The following GABRB2 variants were observed in gnomAD, a reference collection of about 807,000 sequenced individuals.
The protein encoded by GABRB2 is gamma-aminobutyric acid type A receptor subunit beta2.
GABRB2 carries 16 observed loss-of-function variants against 54.7 expected under a neutral mutation model. That is an observed-to-expected ratio of 0.29 (90% CI 0.20 to 0.44). The LOEUF (loss-of-function observed/expected upper bound fraction) is 0.44. Ranked by LOEUF, GABRB2 falls within the 20% of genes least tolerant of loss-of-function variation. GABRB2 has a pLI of 1.00. For synonymous variants in GABRB2, 244 were observed against 233.8 expected (o/e 1.04, Z -0.40); for missense variants, 355 against 644.0 (o/e 0.55, Z 4.86).
chr5:161,437,054 G>C (rs1401278038), intron 4 of GABRB2, among the ~76,000 whole-genome samples: 1 of 152,170 alleles, frequency 6.6e-6, no homozygotes, highest in Non-Finnish European at 1.5e-5. Flanking sequence ...TTGAAAGGCA[G>C]TCTAGGCCAT....
rs558162140 is a variant in GABRB2 at position 161,515,074 on chromosome 5, T to G, written c.237+30153A>C. ...TCAGTTAATGTCAACTGCTACTGAG[T>G]TCACTTGAATATGGCTTAGATAGGT... On this transcript the variant is annotated intron_variant, in intron 3 of 9. Transcript: ENST00000393959. 2.0e-5 allele frequency among the ~76,000 whole-genome samples: 3 copies of G among 152,084 alleles called. No individual in the cohort carries two copies. The South Asian group carries it at 6.2e-4, about 32-fold the overall frequency.
chr5:161,404,085 A>G (rs13178864), intron 5 of GABRB2, among the ~76,000 whole-genome samples: 3,360 of 152,238 alleles, frequency 0.022, 58 homozygotes, highest in Non-Finnish European at 0.034. Flanking sequence ...AGAGTCTTTG[A>G]GTCCAGATAC....
chr5:161,360,254 C>T (rs114960209), intron 5 of GABRB2, among the ~76,000 whole-genome samples: 240 of 152,046 alleles, frequency 1.6e-3, no homozygotes, highest in African/African-American at 5.7e-3. Context: ...ATGACTGATT[C>T]CCAGTCTGGG....
rs1620943 is a variant in GABRB2 at position 161,336,833 on chromosome 5, A to G, written c.542-64T>C. Reference sequence around the variant, plus strand: ...AGAAAACAAAAAAAAAAAAACAGACAAAACAGAAAAAAATACCTGTTTAGA... The same window carrying G: ...AGAAAACAAAAAAAAAAAAACAGACGAAACAGAAAAAAATACCTGTTTAGA... On this transcript the variant is annotated intron_variant, in intron 5 of 9. Coordinates refer to ENST00000393959, the MANE Select transcript of GABRB2 (RefSeq NM_001371727.1). 4 of 1,504,512 alleles carry G rather than the reference A, an allele frequency of 2.7e-6. No individual in the cohort carries two copies. The African/African-American group carries it at 4.2e-5, about 16-fold the overall frequency. 93.2% of individuals were successfully genotyped at this position (1,504,512 alleles called of 1,614,324 possible). A position where few individuals can be genotyped will look rare whatever the true frequency, so the allele number is the denominator to read the frequency against.
chr5:161,422,751 T>C (rs1032939131), intron 4 of GABRB2, among the ~76,000 whole-genome samples: 8 of 152,160 alleles, frequency 5.3e-5, no homozygotes, highest in African/African-American at 1.9e-4. Context: ...GTTCTCTACA[T>C]GAGATATGGA....
rs137972781 is a variant in GABRB2 at position 161,347,149 on chromosome 5, C to G, written c.542-10380G>C. The stretch of plus-strand genomic sequence containing the variant: ...ACTAGCTAATATTTCTAAAGCATTT[C>G]TTGTGTGAAGCCAAGTACTTTACAT... On this transcript the variant is annotated intron_variant, in intron 5 of 9. Coordinates refer to ENST00000393959, the MANE Select transcript of GABRB2 (RefSeq NM_001371727.1). Among the ~76,000 whole-genome samples, 63 of 152,230 alleles carry G rather than the reference C, an allele frequency of 4.1e-4. No individual in the cohort carries two copies. In the East Asian group the frequency reaches 7.8e-3, roughly 19 times the overall value.
intron 9 of GABRB2, among the ~76,000 whole-genome samples, chr5:161,301,697 A>G (rs1459500534): frequency 6.6e-6 from 1 of 152,226 alleles, no homozygotes; most frequent in Non-Finnish European, 1.5e-5. Flanking sequence ...TGCCTTTACA[A>G]GGACCTATGC....
intron 3 of GABRB2, among the ~76,000 whole-genome samples, chr5:161,515,823 G>T (rs1170347328): frequency 6.6e-6 from 1 of 152,098 alleles, no homozygotes; most frequent in Non-Finnish European, 1.5e-5. Flanking sequence ...TCAGTCTACG[G>T]ACTAATCAAC....
intron 3 of GABRB2, among the ~76,000 whole-genome samples, chr5:161,470,949 C>T (rs963454497): frequency 6.6e-6 from 1 of 151,978 alleles, no homozygotes; most frequent in Admixed American, 6.6e-5. Flanking sequence ...AAAGCTTGTT[C>T]ATGCTTCCTG....
At chr5:161,422,237 C>A (rs945112194) in intron 4 of GABRB2, among the ~76,000 whole-genome samples, 2 of 151,804 alleles carry the variant, frequency 1.3e-5, no homozygotes, top group African/African-American at 4.8e-5. Flanking sequence ...TATAGTTGGG[C>A]AAAAAATCTC....
chr5:161,367,538 C>CT (rs1309335655), intron 5 of GABRB2, among the ~76,000 whole-genome samples: 2 of 152,106 alleles, frequency 1.3e-5, no homozygotes, highest in Non-Finnish European at 2.9e-5. Context: ...GAATTATCAT[C>CT]TTTTTCCAGC....
Position 161,288,928 on chromosome 5 carries a change from GT to G in GABRB2, c.*5152del, listed in dbSNP as rs1757159082. The G allele has an allele frequency of 6.6e-6, 1 of 152,094 alleles. No individual in the cohort carries two copies. Among genetic ancestry groups the G allele is most frequent in the Non-Finnish European group, 1.5e-5 (1 of 68,018 alleles). 9.4% of individuals were successfully genotyped at this position (152,094 alleles called of 1,614,324 possible). On this transcript the variant is annotated 3_prime_UTR_variant, in exon 10 of 10. Transcript: ENST00000393959. ...ATTAATTATGTTTAAAATGACGATGGTTGAACTCAAATTATTGAACCAAAAA... is the reference window on the plus strand; with the variant it reads ...ATTAATTATGTTTAAAATGACGATGGTGAACTCAAATTATTGAACCAAAAA...
At chr5:161,538,230 C>G (rs372326609) in intron 3 of GABRB2, among the ~76,000 whole-genome samples, 3 of 152,060 alleles carry the variant, frequency 2.0e-5, no homozygotes, top group East Asian at 1.9e-4. Context: ...GGCATTCGCC[C>G]GGGGTCAAAT....
chr5:161,331,857 G>T (rs556874257), intron 7 of GABRB2, among the ~76,000 whole-genome samples: 14 of 152,170 alleles, frequency 9.2e-5, no homozygotes, highest in African/African-American at 3.4e-4. Context: ...GGAGAAGCAG[G>T]CATGGCAGGA....
chr5:161,303,558 T>C (rs761311718), intron 9 of GABRB2, among the ~76,000 whole-genome samples: 3 of 152,174 alleles, frequency 2.0e-5, no homozygotes, highest in Non-Finnish European at 4.4e-5. Flanking sequence ...GATGATGGTT[T>C]TGCAGGAAGT....
At chr5:161,486,518 T>C (rs1758926184) in intron 3 of GABRB2, among the ~76,000 whole-genome samples, 1 of 151,980 alleles carries the variant, frequency 6.6e-6, no homozygotes, top group African/African-American at 2.4e-5. Flanking sequence ...CCGTCTATGA[T>C]ATGCCCCAGC....
chr5:161,301,953 T>C (rs1757553680), intron 9 of GABRB2, among the ~76,000 whole-genome samples: 2 of 152,222 alleles, frequency 1.3e-5, no homozygotes, highest in African/African-American at 4.8e-5. Flanking sequence ...TTCAACTATC[T>C]ATTCTGGAAA....
chr5:161,425,385 T>C (rs550547725), intron 4 of GABRB2, among the ~76,000 whole-genome samples: 1 of 152,116 alleles, frequency 6.6e-6, no homozygotes, highest in East Asian at 1.9e-4. Flanking sequence ...AAATCAGCAA[T>C]CACCATCCTG....
intron 9 of GABRB2, among the ~76,000 whole-genome samples, chr5:161,296,418 T>A (rs1757381847): frequency 6.6e-6 from 1 of 152,172 alleles, no homozygotes; most frequent in Admixed American, 6.5e-5. Context: ...GCAATTATAA[T>A]AAGAAGAGTT....
Sources: allele counts gnomAD v4.1 joint callset (sites outside exome capture counted in the v4.1 genomes callset), GRCh38; gene constraint gnomAD v4.1.1; transcripts MANE v1.5; gene names NCBI Gene and HGNC (gene_info 2026-07-23, HGNC 2026-07-21).